ARHGEF18: variants seen among roughly 807,000 people sequenced by gnomAD.
The protein encoded by ARHGEF18 is Rho/Rac guanine nucleotide exchange factor 18.
In ARHGEF18, 93 loss-of-function variants were observed where a neutral mutation model predicts 155.7. That is an observed-to-expected ratio of 0.60 (90% CI 0.50 to 0.71). ARHGEF18 has a LOEUF of 0.71. Ranked by LOEUF, ARHGEF18 falls within the 30% of genes least tolerant of loss-of-function variation. The pLI is 0.00. For missense variants in ARHGEF18, 1,593 were observed against 1,816.1 expected, an observed-to-expected ratio of 0.88 and a Z score of 2.23; for synonymous variants, 742 against 753.1, an observed-to-expected ratio of 0.99 and a Z score of 0.24.
Position 7,470,168 on chromosome 19 carries a change from C to T in ARHGEF18, c.3956C>T (p.Pro1319Leu). The change falls in exon 29 of 29, where the codon CCC (proline) becomes CTC (leucine). Residue 1319 changes from proline to leucine, a missense_variant. Physicochemically the swap from Pro to Leu is moderately conservative, Grantham distance 98. Coordinates refer to ENST00000668164, the MANE Select transcript of ARHGEF18 (RefSeq NM_001367823.1). The surrounding 1 kb of genome is among the most constrained non-coding windows in gnomAD (Gnocchi z 5.9). Reference protein sequence around the residue: ...PAPSPPPADSPSEGFSLKAGG... With the variant: ...PAPSPPPADSLSEGFSLKAGG... ...CCGAGCCCACCGCCAGCTGACAGCCCCTCCGAGGGCTTCTCTCTCAAGGCC... is the reference window on the plus strand; with the variant it reads ...CCGAGCCCACCGCCAGCTGACAGCCTCTCCGAGGGCTTCTCTCTCAAGGCC... 1 of 1,612,268 alleles carries T rather than the reference C, an allele frequency of 6.2e-7. No individual in the cohort carries two copies. Among genetic ancestry groups the T allele is most frequent in the Non-Finnish European group, 8.5e-7 (1 of 1,179,694 alleles).
chr19:7,358,951 C>G (rs1033372531), intron 1 of ARHGEF18, among the ~76,000 whole-genome samples: 1 of 152,170 alleles, frequency 6.6e-6, no homozygotes, highest in African/African-American at 2.4e-5. Context: ...ACCTCATGCT[C>G]TAGAGCATGG....
At chr19:7,415,564 G>A (rs1972956202) in intron 10 of ARHGEF18, among the ~76,000 whole-genome samples, 1 of 151,668 alleles carries the variant, frequency 6.6e-6, no homozygotes, top group Non-Finnish European at 1.5e-5. Context: ...GGCCCCCAAG[G>A]CCCATGGCAG....
chr19:7,385,819 A>ATCTCTCTCTC lies in ARHGEF18; in HGVS notation c.967+2619_967+2620insCTCTCTCTCT, dbSNP rs1252967510. 1.5e-4 allele frequency among the ~76,000 whole-genome samples: 13 copies of ATCTCTCTCTC among 89,326 alleles called. 2 individuals carry two copies. The highest frequency in any genetic ancestry group is 5.8e-4 in the African/African-American group (9 of 15,482). 58.6% of individuals were successfully genotyped at this position (89,326 alleles called of 152,430 possible). A position where few individuals can be genotyped will look rare whatever the true frequency, so the allele number is the denominator to read the frequency against. On this transcript the variant is annotated intron_variant, in intron 10 of 28. Coordinates refer to ENST00000668164, the MANE Select transcript of ARHGEF18 (RefSeq NM_001367823.1). ...TCAAAATTTCTATTTTAGAGATAGGATCTATCTCTCTCTATCTCTCTCTCT... is the reference window on the plus strand; with the variant it reads ...TCAAAATTTCTATTTTAGAGATAGGATCTCTCTCTCTCTATCTCTCTCTATCTCTCTCTCT...
chr19:7,352,518 T>C (rs1969182476), intron 1 of ARHGEF18, among the ~76,000 whole-genome samples: 1 of 146,456 alleles, frequency 6.8e-6, no homozygotes, highest in Admixed American at 7.3e-5. Flanking sequence ...TCCTTCTCAC[T>C]TTCCTAGGTT....
At position 7,438,911 on chromosome 19, in the gene ARHGEF18, C is replaced by T. The variant is rs138563522; in HGVS notation, c.968-1433C>T. 6.5e-3 allele frequency among the ~76,000 whole-genome samples: 979 copies of T among 150,710 alleles called. 14 individuals carry two copies. The highest frequency in any genetic ancestry group is 0.022 in the African/African-American group (906 of 41,052). ...TTTTTTAGGCGGAGTCTCACTCTGT[C>T]GCCCAGGCTGGAGTGCAGTGGCGCA... On this transcript the variant is annotated intron_variant, in intron 10 of 28. Coordinates refer to ENST00000668164, the MANE Select transcript of ARHGEF18 (RefSeq NM_001367823.1).
chr19:7,477,749 G>A, the ARHGEF18 span, among the ~76,000 whole-genome samples: 54 of 152,252 alleles, frequency 3.5e-4, 1 homozygote, highest in Non-Finnish European at 6.9e-4. Context: ...GGTGTGGAGG[G>A]AAGGGGGAAC....
At position 7,470,909 on chromosome 19, in the gene ARHGEF18, G is replaced by C. The variant is rs1226433172; in HGVS notation, c.*611G>C. The C allele has an allele frequency of 2.5e-6, 1 of 401,028 alleles. No individual in the cohort carries two copies. Among genetic ancestry groups the C allele is most frequent in the Non-Finnish European group, 4.4e-6 (1 of 226,226 alleles). The allele number at this position is 401,028 out of a possible 1,614,324, so 24.8% of individuals were successfully genotyped here. ...AGGCACGGGGGCATGGGCAGAGAGG[G>C]CCACGGGGCAGGGCCCACTGAGGGA... On this transcript the variant is annotated 3_prime_UTR_variant, in exon 29 of 29. Coordinates refer to ENST00000668164, the MANE Select transcript of ARHGEF18 (RefSeq NM_001367823.1). This position sits in a 1 kb window ranked among gnomAD's most constrained non-coding sequence, Gnocchi z 5.9.
At position 7,432,087 on chromosome 19, in the gene ARHGEF18, T is replaced by G. The variant is rs531773672; in HGVS notation, c.968-8257T>G. Among the ~76,000 whole-genome samples the G allele has an allele frequency of 9.7e-4, 147 of 152,318 alleles. 1 individual carries two copies. Among genetic ancestry groups the G allele is most frequent in the Middle Eastern group, 3.4e-3 (1 of 294 alleles). The stretch of plus-strand genomic sequence containing the variant: ...TGAGGTGCGGGATGAAGGGGTTTTT[T>G]TCTTCCTCCTACCTTTTTATTCTTT... On this transcript the variant is annotated intron_variant, in intron 10 of 28. Transcript: ENST00000668164.
At chr19:7,473,662 T>G (rs1977130530), downstream of ARHGEF18, among the ~76,000 whole-genome samples, 1 of 151,666 alleles carries the variant, frequency 6.6e-6, no homozygotes, top group Non-Finnish European at 1.5e-5. Flanking sequence ...ATACAGAAAT[T>G]AGCCGGGCGT....
intron 8 of ARHGEF18, among the ~76,000 whole-genome samples, chr19:7,382,312 C>T (rs1409030844): frequency 6.6e-6 from 1 of 152,052 alleles, no homozygotes; most frequent in African/African-American, 2.4e-5. Flanking sequence ...ATGAGAATCG[C>T]TTGAACCTGG....
chr19:7,374,999 C>T (rs1196878183), intron 3 of ARHGEF18, among the ~76,000 whole-genome samples: 1 of 152,130 alleles, frequency 6.6e-6, no homozygotes, highest in East Asian at 1.9e-4. Context: ...AGGCCGGGTG[C>T]AGTGGCTCAC....
chr19:7,362,671 G>A (rs1969680289), intron 1 of ARHGEF18, 110 bp from the exon 2 acceptor site: 1 of 1,040,742 alleles, frequency 9.6e-7, no homozygotes, highest in African/African-American at 1.7e-5. Context: ...TCATTTTATA[G>A]TTGAGAAAAC....
intron 10 of ARHGEF18, among the ~76,000 whole-genome samples, chr19:7,412,431 A>G (rs550657879): frequency 6.6e-6 from 1 of 151,538 alleles, no homozygotes; most frequent in South Asian, 2.1e-4. Context: ...GAGACACTTA[A>G]TTTTCGGTTT....
intron 10 of ARHGEF18, among the ~76,000 whole-genome samples, chr19:7,435,943 C>T (rs1290507303): frequency 1.3e-5 from 2 of 152,084 alleles, no homozygotes; most frequent in Non-Finnish European, 2.9e-5. Context: ...AAGCAATTTT[C>T]CCACCTCAGC....
chr19:7,418,695 C>T (rs867223123), intron 10 of ARHGEF18, among the ~76,000 whole-genome samples: 1 of 151,984 alleles, frequency 6.6e-6, no homozygotes, highest in Non-Finnish European at 1.5e-5. Context: ...GGTTTGAGCC[C>T]GGGCAGCGTG....
Position 7,447,281 on chromosome 19 carries a change from G to A in ARHGEF18, c.1737+113G>A, listed in dbSNP as rs544495476. 6.7e-3 allele frequency: 6,485 copies of A among 974,116 alleles called. 37 individuals carry two copies. Among genetic ancestry groups the A allele is most frequent in the Non-Finnish European group, 8.2e-3 (5,670 of 687,792 alleles). 60.3% of individuals were successfully genotyped at this position (974,116 alleles called of 1,614,324 possible). ...TGAGGCGGGCGGATCACAAGGCCAGGAGATCGAGACCGTCCTGGCCAACAT... is the reference window on the plus strand; with the variant it reads ...TGAGGCGGGCGGATCACAAGGCCAGAAGATCGAGACCGTCCTGGCCAACAT... On this transcript the variant is annotated intron_variant, in intron 15 of 28. Coordinates refer to ENST00000668164, the MANE Select transcript of ARHGEF18 (RefSeq NM_001367823.1).
In ARHGEF18 at chr19:7,395,417, C is replaced by A. The variant is rs986780219; in HGVS notation, c.967+12214C>A. On this transcript the variant is annotated intron_variant, in intron 10 of 28. Transcript: ENST00000668164. The surrounding 1 kb of genome is among the most constrained non-coding windows in gnomAD (Gnocchi z 5.0). ...AACGGGTGCTGGGGTGCAGGCTGCTCCTTCAATGCATGGAGGCTCTAGGCG... is the reference window on the plus strand; with the variant it reads ...AACGGGTGCTGGGGTGCAGGCTGCTACTTCAATGCATGGAGGCTCTAGGCG... Among the ~76,000 whole-genome samples the A allele has an allele frequency of 2.0e-5, 3 of 151,900 alleles. No homozygotes were observed. The highest frequency in any genetic ancestry group is 4.4e-5 in the Non-Finnish European group (3 of 67,852).
chr19:7,447,728 C>G (rs1054450526), intron 15 of ARHGEF18, among the ~76,000 whole-genome samples: 1 of 152,104 alleles, frequency 6.6e-6, no homozygotes, highest in African/African-American at 2.4e-5. Flanking sequence ...GATGCAATGC[C>G]TCACGCTGTA....
intron 1 of ARHGEF18, among the ~76,000 whole-genome samples, chr19:7,354,565 G>A (rs938460596): frequency 6.6e-6 from 1 of 152,072 alleles, no homozygotes; most frequent in African/African-American, 2.4e-5. Flanking sequence ...GCACCTGCAC[G>A]GATGAGCACT....
Sources: gnomAD v4.1 joint callset for allele counts (sites outside exome capture counted in the v4.1 genomes callset) on GRCh38, gnomAD v4.1.1 for gene constraint, Gnocchi (gnomAD v3.1) non-coding constraint, MANE v1.5 for transcripts, NCBI Gene and HGNC (gene_info 2026-07-23, HGNC 2026-07-21) for gene names.